The following ADGRB3 variants were observed in gnomAD, a reference collection of about 807,000 sequenced individuals.
ADGRB3 encodes brain-specific angiogenesis inhibitor 3.
A neutral mutation model predicts 193.4 loss-of-function variants in ADGRB3; 37 were observed. The observed-to-expected ratio is 0.19, with a 90% CI of 0.15 to 0.25. ADGRB3 has a LOEUF of 0.25. ADGRB3 is among the 10% of genes least tolerant of loss of function. The pLI, the probability that ADGRB3 is intolerant of heterozygous loss-of-function variation, is 1.00. For synonymous variants in ADGRB3, 690 were observed against 644.2 expected, an observed-to-expected ratio of 1.07 and a Z score of -1.08; for missense variants, 1,637 against 1,852.9, an observed-to-expected ratio of 0.88 and a Z score of 2.14.
chr6:69,122,233 G>A (rs1000532503), intron 17 of ADGRB3, among the ~76,000 whole-genome samples: 6 of 151,746 alleles, frequency 4.0e-5, no homozygotes, highest in Admixed American at 1.3e-4. Flanking sequence ...CAGACCACTC[G>A]AGGTCAGGAG....
chr6:68,758,114 T>C (rs370882502), intron 3 of ADGRB3, among the ~76,000 whole-genome samples: 43 of 152,108 alleles, frequency 2.8e-4, no homozygotes, highest in African/African-American at 8.4e-4. Context: ...TGTTTAATTC[T>C]TTTAAGCCTC....
chr6:68,827,095 A>G (rs1767858617), intron 3 of ADGRB3, among the ~76,000 whole-genome samples: 1 of 152,078 alleles, frequency 6.6e-6, no homozygotes, highest in African/African-American at 2.4e-5. Context: ...TATAAAAGAG[A>G]TAAATTGTAG....
chr6:69,372,567 C>A, intron 30 of ADGRB3, 126 bp downstream of exon 30: 1 of 403,024 alleles, frequency 2.5e-6, no homozygotes. Flanking sequence ...TTAAATAAGT[C>A]AAACATTTTT....
At chr6:69,293,029 C>G (rs1174104321) in intron 20 of ADGRB3, among the ~76,000 whole-genome samples, 1 of 152,132 alleles carries the variant, frequency 6.6e-6, no homozygotes, top group South Asian at 2.1e-4. Flanking sequence ...CCTGGCAGCT[C>G]CCCACCATGG....
chr6:68,914,219 G>A (rs1211677031), intron 3 of ADGRB3, among the ~76,000 whole-genome samples: 4 of 150,194 alleles, frequency 2.7e-5, no homozygotes, highest in Non-Finnish European at 4.5e-5. Flanking sequence ...CTCGAGAAGA[G>A]CAACTCCAAG....
At chr6:69,177,651 CAA>C (rs1429007170) in intron 17 of ADGRB3, among the ~76,000 whole-genome samples, 1 of 152,132 alleles carries the variant, frequency 6.6e-6, no homozygotes, top group African/African-American at 2.4e-5. Context: ...CAGCCTATTT[CAA>C]AGACTTTTTG....
intron 3 of ADGRB3, among the ~76,000 whole-genome samples, chr6:68,800,197 T>C (rs1240176743): frequency 1.3e-5 from 2 of 152,110 alleles, no homozygotes; most frequent in African/African-American, 2.4e-5. Context: ...GATGTATAGA[T>C]TGATTAGTTT....
In ADGRB3 at chr6:69,201,803, T is replaced by C. The variant is rs537846543; in HGVS notation, c.2481-31487T>C. On this transcript the variant is annotated intron_variant, in intron 17 of 31. Coordinates refer to ENST00000370598, the MANE Select transcript of ADGRB3 (RefSeq NM_001704.3). Reference sequence around the variant, plus strand: ...CCTATTTCCTCCCTGAATGGACTATTTCAACTACCTCCAGGATATTCCTAC... The same window carrying C: ...CCTATTTCCTCCCTGAATGGACTATCTCAACTACCTCCAGGATATTCCTAC... 5.9e-5 allele frequency among the ~76,000 whole-genome samples: 9 copies of C among 152,222 alleles called. No individual in the cohort carries two copies. The South Asian group carries it at 1.9e-3, about 32-fold the overall frequency.
At chr6:69,367,709 G>A (rs563588914) in intron 29 of ADGRB3, among the ~76,000 whole-genome samples, 295 of 151,748 alleles carry the variant, frequency 1.9e-3, no homozygotes, top group African/African-American at 5.1e-3. Flanking sequence ...TGTTTATTGC[G>A]GCATTATTCA....
At chr6:69,081,830 A>G (rs1772394682) in intron 17 of ADGRB3, among the ~76,000 whole-genome samples, 1 of 152,086 alleles carries the variant, frequency 6.6e-6, no homozygotes. Flanking sequence ...AAATGCTTCT[A>G]ATATTATTAG....
At chr6:68,832,212 A>G (rs1307485104) in intron 3 of ADGRB3, among the ~76,000 whole-genome samples, 2 of 152,176 alleles carry the variant, frequency 1.3e-5, no homozygotes, top group African/African-American at 2.4e-5. Context: ...GACATTCAGA[A>G]AGTATTATTA....
intron 3 of ADGRB3, among the ~76,000 whole-genome samples, chr6:68,851,535 G>A (rs957769206): frequency 5.3e-5 from 8 of 151,754 alleles, no homozygotes; most frequent in Non-Finnish European, 8.8e-5. Context: ...ACATTATTGA[G>A]ATAATTATGC....
intron 3 of ADGRB3, among the ~76,000 whole-genome samples, chr6:68,713,723 G>C (rs1327100426): frequency 6.6e-6 from 1 of 151,188 alleles, no homozygotes; most frequent in Non-Finnish European, 1.5e-5. Flanking sequence ...CAGTAGCGAA[G>C]TATAACTCCT....
intron 3 of ADGRB3, among the ~76,000 whole-genome samples, chr6:68,657,225 T>C (rs1317070011): frequency 6.6e-6 from 1 of 151,392 alleles, no homozygotes; most frequent in African/African-American, 2.4e-5. Context: ...TGAAGATTTA[T>C]CAAAAAATTT....
intron 3 of ADGRB3, among the ~76,000 whole-genome samples, chr6:68,694,824 G>C (rs1488864559): frequency 6.6e-6 from 1 of 151,984 alleles, no homozygotes; most frequent in African/African-American, 2.4e-5. Flanking sequence ...CCTGTCTTTG[G>C]AGAAAGCATC....
At chr6:69,343,104 AT>A (rs1214067105) in intron 26 of ADGRB3, among the ~76,000 whole-genome samples, 1 of 150,008 alleles carries the variant, frequency 6.7e-6, no homozygotes. Flanking sequence ...TAACTGTGAT[AT>A]TTTTAATGTG....
intron 3 of ADGRB3, among the ~76,000 whole-genome samples, chr6:68,783,411 G>T (rs1344922314): frequency 1.3e-5 from 2 of 150,580 alleles, no homozygotes; most frequent in Non-Finnish European, 3.0e-5. Flanking sequence ...AGGCTATACT[G>T]CAGTAGCCAA....
At chr6:69,100,264 C>T (rs77342580) in intron 17 of ADGRB3, among the ~76,000 whole-genome samples, 8 of 152,180 alleles carry the variant, frequency 5.3e-5, no homozygotes, top group East Asian at 1.9e-4. Flanking sequence ...TTCTATTAAT[C>T]TTCTTACTTT....
chr6:68,679,948 G>T (rs1764851614), intron 3 of ADGRB3, among the ~76,000 whole-genome samples: 1 of 152,124 alleles, frequency 6.6e-6, no homozygotes, highest in Admixed American at 6.6e-5. Flanking sequence ...CCCAACGGAA[G>T]GTATTAGGAG....
Sources: allele counts gnomAD v4.1 joint callset (sites outside exome capture counted in the v4.1 genomes callset), GRCh38; gene constraint gnomAD v4.1.1; transcripts MANE v1.5; gene names NCBI Gene and HGNC (gene_info 2026-07-23, HGNC 2026-07-21).